MME: variants seen among roughly 807,000 people sequenced by gnomAD.
MME encodes membrane metalloendopeptidase.
MME carries 98 observed loss-of-function variants against 113.2 expected under a neutral mutation model. That is an observed-to-expected ratio of 0.87 (90% CI 0.74 to 1.02). The LOEUF (loss-of-function observed/expected upper bound fraction) is 1.02. MME is among the 50% of genes least tolerant of loss of function. MME has a pLI of 0.00. For synonymous variants in MME, 292 were observed against 300.6 expected (o/e 0.97, Z 0.30); for missense variants, 836 against 896.0 (o/e 0.93, Z 0.86).
At chr3:155,179,549 A>G (rs1301656730) in intron 22 of MME, among the ~76,000 whole-genome samples, 2 of 152,116 alleles carry the variant, frequency 1.3e-5, no homozygotes, top group Non-Finnish European at 2.9e-5. Context: ...AAACCAGTCC[A>G]CTTGTCTCTG....
At chr3:155,146,992 A>G in intron 14 of MME, 152 bp from the exon 15 acceptor site, 1 of 630,258 alleles carries the variant, frequency 1.6e-6, no homozygotes, top group Non-Finnish European at 2.9e-6. Context: ...CCCAGGAAAG[A>G]GCCATTGCAA....
intron 1 of MME, among the ~76,000 whole-genome samples, chr3:155,067,103 A>C (rs1714404016): frequency 6.6e-6 from 1 of 151,770 alleles, no homozygotes; most frequent in Non-Finnish European, 1.5e-5. Context: ...GATAATGTTG[A>C]AGAAAGCTAT....
chr3:155,103,943 G>A (rs1212865135), intron 3 of MME, among the ~76,000 whole-genome samples: 1 of 152,190 alleles, frequency 6.6e-6, no homozygotes. Context: ...TAGGTTAGGA[G>A]GAGCTTTACT....
At chr3:155,147,274 G>T (rs374835120) in intron 15 of MME, 50 bp downstream of exon 15, 1 of 1,177,146 alleles carries the variant, frequency 8.5e-7, no homozygotes, top group Non-Finnish European at 1.3e-6. Flanking sequence ...AGGGCTGGTA[G>T]TAGTGTCATT....
chr3:155,082,803 G>T (rs1055681771), intron 1 of MME, among the ~76,000 whole-genome samples: 1 of 152,084 alleles, frequency 6.6e-6, no homozygotes, highest in Admixed American at 6.6e-5. Flanking sequence ...CTAGTTTTCT[G>T]CTGGGTCTCC....
chr3:155,115,756 GA>G (rs1305283971), intron 4 of MME, among the ~76,000 whole-genome samples: 5 of 151,936 alleles, frequency 3.3e-5, no homozygotes, highest in South Asian at 2.1e-4. Flanking sequence ...TTTTACAGAA[GA>G]AAAAAAATTA....
chr3:155,160,242 C>T lies in MME; in HGVS notation c.1602-148C>T, dbSNP rs186728041. ...ATAGAAATGCTTTCAAATGAGCTCT[C>T]ACCTAGTGAACTAATTTTAATTTGT... On this transcript the variant is annotated intron_variant, in intron 16 of 22. Coordinates refer to ENST00000360490, the MANE Select transcript of MME (RefSeq NM_007289.4). The T allele has an allele frequency of 2.9e-5, 20 of 681,652 alleles. No individual in the cohort carries two copies. In the East Asian group the frequency reaches 4.6e-4, roughly 16 times the overall value. 42.2% of individuals were successfully genotyped at this position (681,652 alleles called of 1,614,324 possible).
At chr3:155,028,376 A>G (rs1218573983) in intron 1 of MME, among the ~76,000 whole-genome samples, 1 of 152,220 alleles carries the variant, frequency 6.6e-6, no homozygotes, top group Non-Finnish European at 1.5e-5. Context: ...GGAGCCAGCC[A>G]TGTAATAATC....
At chr3:155,148,003 G>A (rs1033530367) in intron 15 of MME, among the ~76,000 whole-genome samples, 14 of 152,068 alleles carry the variant, frequency 9.2e-5, no homozygotes, top group South Asian at 2.1e-4. Flanking sequence ...TAGTGGCTAC[G>A]AACACAGACT....
upstream of MME, among the ~76,000 whole-genome samples, chr3:155,077,327 T>G (rs111816173): frequency 8.7e-4 from 132 of 152,328 alleles, no homozygotes; most frequent in African/African-American, 3.0e-3. Context: ...CATTCCATTC[T>G]TAATAACTTA....
rs200854889 is a variant in MME, at chr3:155,180,705, G to T, written c.*246G>T. On this transcript the variant is annotated 3_prime_UTR_variant, in exon 23 of 23. Coordinates refer to ENST00000360490, the MANE Select transcript of MME (RefSeq NM_007289.4). ...GTGTACATAATGCTTAATTTCTAAAGATAATATTACTGTTTATTTCTGTTT... is the reference window on the plus strand; with the variant it reads ...GTGTACATAATGCTTAATTTCTAAATATAATATTACTGTTTATTTCTGTTT... 7 of 471,372 alleles carry T rather than the reference G, an allele frequency of 1.5e-5. No homozygotes were observed. The highest frequency in any genetic ancestry group is 2.7e-5 in the Non-Finnish European group (7 of 255,428). 29.2% of individuals were successfully genotyped at this position (471,372 alleles called of 1,614,324 possible).
chr3:155,131,331 G>A (rs1201775460), intron 8 of MME, among the ~76,000 whole-genome samples: 2 of 152,182 alleles, frequency 1.3e-5, no homozygotes, highest in Non-Finnish European at 2.9e-5. Context: ...ATGTGCCTCA[G>A]TGATACGTGG....
Position 155,141,971 on chromosome 3 carries a change from T to TCCAC in MME, c.958-19_958-18insCACC. 6.2e-7 allele frequency: 1 copy of TCCAC among 1,613,376 alleles called. No homozygotes were observed. The highest frequency in any genetic ancestry group is 8.5e-7 in the Non-Finnish European group (1 of 1,179,518). ...GAGAAATCCACAATTTCTGAATGTT[T>TCCAC]CATGCCTGCTTTTTTCCAGCCATTC... On this transcript the variant is annotated intron_variant, in intron 10 of 22. Coordinates refer to ENST00000360490, the MANE Select transcript of MME (RefSeq NM_007289.4).
upstream of MME, among the ~76,000 whole-genome samples, chr3:155,075,843 T>G (rs1165827454): frequency 6.6e-6 from 1 of 152,210 alleles, no homozygotes; most frequent in Non-Finnish European, 1.5e-5. Flanking sequence ...CAGAGTGCTT[T>G]AATTCTAATT....
At chr3:155,096,908 T>C (rs534919566) in intron 3 of MME, among the ~76,000 whole-genome samples, 2 of 152,232 alleles carry the variant, frequency 1.3e-5, no homozygotes, top group East Asian at 3.9e-4. Flanking sequence ...TCTGTAGAGA[T>C]GGAGTTTCAC....
intron 3 of MME, 63 bp downstream of exon 3, chr3:155,085,157 C>T (rs577995933): frequency 2.6e-5 from 28 of 1,061,620 alleles, no homozygotes; most frequent in South Asian, 1.3e-4. Context: ...AAATTAAATG[C>T]TAATCTTAAT....
chr3:155,034,857 G>C (rs1290380089), intron 1 of MME, among the ~76,000 whole-genome samples: 1 of 152,138 alleles, frequency 6.6e-6, no homozygotes, highest in Non-Finnish European at 1.5e-5. Context: ...TTTACATCCA[G>C]GATAACAAAC....
At chr3:155,064,238 G>A (rs1424586866) in intron 1 of MME, among the ~76,000 whole-genome samples, 8 of 151,966 alleles carry the variant, frequency 5.3e-5, no homozygotes, top group Non-Finnish European at 7.4e-5. Context: ...GCAGTGAGCC[G>A]AGATCCTGCC....
Position 155,116,897 on chromosome 3 carries a change from G to A in MME, c.565G>A (p.Ala189Thr). Reference sequence around the variant, plus strand: ...TTCTTGGACAGCTGAAAAAGCTATTGCACAACTGAATTCTAAATATGGGAA... The same window carrying A: ...TTCTTGGACAGCTGAAAAAGCTATTACACAACTGAATTCTAAATATGGGAA... Reference protein sequence around the residue: ...GASWTAEKAIAQLNSKYGKKV... With the variant: ...GASWTAEKAITQLNSKYGKKV... The change falls in exon 7 of 23, where the codon GCA becomes ACA. Residue 189 changes from alanine (A) to threonine (T), a missense_variant. Coordinates refer to ENST00000360490, the MANE Select transcript of MME (RefSeq NM_007289.4). The A allele has an allele frequency of 6.2e-7, 1 of 1,612,078 alleles. No homozygotes were observed. Among genetic ancestry groups the A allele is most frequent in the South Asian group, 1.1e-5 (1 of 90,970 alleles).
Sources: gnomAD v4.1 joint callset for allele counts (sites outside exome capture counted in the v4.1 genomes callset) on GRCh38, gnomAD v4.1.1 for gene constraint, MANE v1.5 for transcripts, NCBI Gene and HGNC (gene_info 2026-07-23, HGNC 2026-07-21) for gene names.